The following IL19 variants were observed in gnomAD, a reference collection of about 807,000 sequenced individuals.
IL19 encodes interleukin-19.
Under a neutral mutation model 19.5 loss-of-function variants are expected in IL19, and 15 were observed. The ratio of observed to expected loss-of-function variants is 0.77; its 90% CI spans 0.52 to 1.19. IL19 has a LOEUF of 1.19. IL19 is among the 50% of genes most tolerant of loss of function. The pLI is 0.00. For missense variants in IL19, 199 were observed against 213.1 expected (o/e 0.93, Z 0.41); for synonymous variants, 78 against 78.3 (o/e 1.00, Z 0.02).
intron 2 of IL19, among the ~76,000 whole-genome samples, chr1:206,820,002 C>T (rs923983188): frequency 1.3e-5 from 2 of 152,176 alleles, no homozygotes; most frequent in Non-Finnish European, 2.9e-5. Flanking sequence ...TCCCCCTTTC[C>T]TTCTATACTT....
At chr1:206,772,813 C>G (rs145184128) in intron 1 of IL19, among the ~76,000 whole-genome samples, 38 of 152,280 alleles carry the variant, frequency 2.5e-4, no homozygotes, top group Non-Finnish European at 4.7e-4. Flanking sequence ...GCTGTGGGTT[C>G]TCATTCGCGT....
intron 2 of IL19, among the ~76,000 whole-genome samples, chr1:206,799,335 G>T (rs548345981): frequency 6.6e-6 from 1 of 152,094 alleles, no homozygotes; most frequent in African/African-American, 2.4e-5. Context: ...CTTCACCAAG[G>T]TTGCTAGCTG....
intron 3 of IL19, 26 bp downstream of exon 3, chr1:206,836,832 T>C: frequency 1.2e-6 from 2 of 1,613,618 alleles, no homozygotes; most frequent in African/African-American, 2.7e-5. Flanking sequence ...TGTAAAGGTG[T>C]GGATGACGGA....
chr1:206,780,974 G>A (rs1418723813), intron 1 of IL19, among the ~76,000 whole-genome samples: 1 of 152,128 alleles, frequency 6.6e-6, no homozygotes, highest in African/African-American at 2.4e-5. Context: ...ATGATAGTGA[G>A]GGTGGCTTAG....
Position 206,770,819 on chromosome 1 carries a change from G to A in IL19, c.-408G>A. 1 of 1,255,658 alleles carries A rather than the reference G, an allele frequency of 8.0e-7. No homozygotes were observed. The highest frequency in any genetic ancestry group is 1.2e-6 in the Non-Finnish European group (1 of 851,676). The allele number at this position is 1,255,658 out of a possible 1,614,324, so 77.8% of individuals were successfully genotyped here. On this transcript the variant is annotated 5_prime_UTR_variant, in exon 1 of 7. It adds an upstream start codon to the 5' untranslated region. Transcript: ENST00000659997. ...AGCTCTGCCAGTCTGTGTCTTTGCTGTGTCTGTGGATGTGAGTGTCCCTGC... is the reference window on the plus strand; with the variant it reads ...AGCTCTGCCAGTCTGTGTCTTTGCTATGTCTGTGGATGTGAGTGTCCCTGC...
At chr1:206,798,725 T>C in intron 1 of IL19, 136 bp from the exon 2 acceptor site, 1 of 558,016 alleles carries the variant, frequency 1.8e-6, no homozygotes, top group South Asian at 2.2e-5. Flanking sequence ...GAGGGTGTGA[T>C]TCGGTTCAGA....
chr1:206,827,005 A>G (rs1363618151), intron 2 of IL19, among the ~76,000 whole-genome samples: 2 of 152,240 alleles, frequency 1.3e-5, no homozygotes, highest in African/African-American at 4.8e-5. Context: ...TGGGTGACAC[A>G]TTGCCTAGAA....
rs538963411 is a variant in IL19, at chr1:206,804,686, C to G, written c.-3+5680C>G. On this transcript the variant is annotated intron_variant, in intron 2 of 6. Coordinates refer to ENST00000659997, the MANE Select transcript of IL19 (RefSeq NM_153758.5). Reference sequence around the variant, plus strand: ...ATGACCCAGGGATCAAACAGAGATGCAAGAGAGCAAGGCTTCAAGGAAACT... The same window carrying G: ...ATGACCCAGGGATCAAACAGAGATGGAAGAGAGCAAGGCTTCAAGGAAACT... 6.6e-5 allele frequency among the ~76,000 whole-genome samples: 10 copies of G among 152,306 alleles called. No individual in the cohort carries two copies. In the South Asian group the frequency reaches 2.1e-3, roughly 32 times the overall value.
intron 2 of IL19, among the ~76,000 whole-genome samples, chr1:206,805,397 C>A (rs12082589): frequency 0.067 from 10,258 of 152,196 alleles, 597 homozygotes; most frequent in African/African-American, 0.15. Context: ...TGAATAATAA[C>A]CTCATTCACT....
At chr1:206,799,186 G>T (rs764076080) in intron 2 of IL19, among the ~76,000 whole-genome samples, 180 bp downstream of exon 2, 1 of 152,094 alleles carries the variant, frequency 6.6e-6, no homozygotes, top group Non-Finnish European at 1.5e-5. Context: ...AGGGGAGAAG[G>T]GGGGGTCACC....
At chr1:206,802,198 T>C (rs567264337) in intron 2 of IL19, among the ~76,000 whole-genome samples, 20 of 151,398 alleles carry the variant, frequency 1.3e-4, no homozygotes, top group African/African-American at 4.6e-4. Flanking sequence ...AGCTTATGAG[T>C]TGGTGATGGA....
intron 2 of IL19, among the ~76,000 whole-genome samples, chr1:206,826,988 T>C (rs893965465): frequency 2.0e-5 from 3 of 152,226 alleles, no homozygotes; most frequent in Non-Finnish European, 2.9e-5. Flanking sequence ...AAAGTTGTGA[T>C]ACAATGTGGG....
At chr1:206,834,669 T>A (rs1377698768) in intron 2 of IL19, among the ~76,000 whole-genome samples, 3 of 152,218 alleles carry the variant, frequency 2.0e-5, no homozygotes, top group Admixed American at 6.5e-5. Context: ...GCTTTTTTGT[T>A]CCAAGAACTG....
chr1:206,825,995 C>T (rs1676426428), intron 2 of IL19, among the ~76,000 whole-genome samples: 1 of 152,200 alleles, frequency 6.6e-6, no homozygotes, highest in Admixed American at 6.5e-5. Flanking sequence ...GCCATCTGGC[C>T]ACTAACTGTT....
chr1:206,775,795 G>A (rs2102443979), intron 1 of IL19, among the ~76,000 whole-genome samples: 1 of 152,318 alleles, frequency 6.6e-6, no homozygotes, highest in East Asian at 1.9e-4. Context: ...TTTGGATTTT[G>A]GTACAAGGCA....
chr1:206,781,841 G>T (rs1227478880), intron 1 of IL19, among the ~76,000 whole-genome samples: 2 of 117,560 alleles, frequency 1.7e-5, no homozygotes, highest in African/African-American at 6.9e-5. Flanking sequence ...CACTTATGTG[G>T]GTTATATATA....
intron 1 of IL19, among the ~76,000 whole-genome samples, chr1:206,794,576 T>C (rs1171252943): frequency 6.6e-6 from 1 of 152,218 alleles, no homozygotes. Context: ...GTAAGTTTCA[T>C]CTTCTCACGT....
chr1:206,818,733 G>A (rs1676222641), intron 2 of IL19, among the ~76,000 whole-genome samples: 1 of 151,982 alleles, frequency 6.6e-6, no homozygotes, highest in Admixed American at 6.6e-5. Context: ...AAAGAAAAGT[G>A]AAAATTGTTT....
intron 1 of IL19, among the ~76,000 whole-genome samples, chr1:206,798,003 G>A (rs893311532): frequency 1.3e-5 from 2 of 152,222 alleles, no homozygotes; most frequent in Admixed American, 6.5e-5. Flanking sequence ...CTCCTGACAG[G>A]CAGTCCTTTC....
Sources: allele counts gnomAD v4.1 joint callset (sites outside exome capture counted in the v4.1 genomes callset), GRCh38; gene constraint gnomAD v4.1.1; transcripts MANE v1.5; gene names NCBI Gene and HGNC (gene_info 2026-07-23, HGNC 2026-07-21).